The following SGSM2 variants were observed in gnomAD, a reference collection of about 807,000 sequenced individuals.
The protein encoded by SGSM2 is small G protein signaling modulator 2.
SGSM2 carries 89 observed loss-of-function variants against 126.6 expected under a neutral mutation model. The observed-to-expected ratio is 0.70, with a 90% CI of 0.59 to 0.84. SGSM2 has a LOEUF of 0.84. Ranked by LOEUF, SGSM2 falls within the 40% of genes least tolerant of loss-of-function variation. The pLI is 0.00. For missense variants in SGSM2, 1,404 were observed against 1,416.6 expected (o/e 0.99, Z 0.14); for synonymous variants, 614 against 574.3 (o/e 1.07, Z -0.99).
intron 2 of SGSM2, among the ~76,000 whole-genome samples, chr17:2,358,032 C>T (rs2065152171): frequency 6.6e-6 from 1 of 152,336 alleles, no homozygotes; most frequent in South Asian, 2.1e-4. Flanking sequence ...CCAGACAGCT[C>T]AGTCAGCAGG....
intron 2 of SGSM2, among the ~76,000 whole-genome samples, chr17:2,352,599 G>A (rs896997075): frequency 2.0e-5 from 3 of 152,040 alleles, no homozygotes; most frequent in African/African-American, 4.8e-5. Flanking sequence ...AGGCCACTGA[G>A]TGGTTCCCAC....
At chr17:2,370,944 C>T (rs2065839043) in intron 12 of SGSM2, among the ~76,000 whole-genome samples, 1 of 152,204 alleles carries the variant, frequency 6.6e-6, no homozygotes, top group South Asian at 2.1e-4. Flanking sequence ...CTTTCCCTTC[C>T]CTCTAGAAAA....
chr17:2,364,814 C>T, intron 9 of SGSM2, 83 bp from the exon 10 acceptor site: 1 of 1,579,890 alleles, frequency 6.3e-7, no homozygotes, highest in Non-Finnish European at 8.6e-7. Flanking sequence ...CCATCTGCCT[C>T]CTACCCAGCC....
chr17:2,364,221 G>A (rs2065454112), intron 8 of SGSM2, 38 bp downstream of exon 8: 1 of 1,612,212 alleles, frequency 6.2e-7, no homozygotes, highest in Non-Finnish European at 8.5e-7. Context: ...AGCCAGGGCA[G>A]GGAGTGGGTT....
At position 2,373,037 on chromosome 17, in the gene SGSM2, C is replaced by T; in HGVS notation, c.1873C>T (p.Leu625Phe). 7 of 1,608,048 alleles carry T rather than the reference C, an allele frequency of 4.4e-6. No homozygotes were observed. Among genetic ancestry groups the T allele is most frequent in the Non-Finnish European group, 5.1e-6 (6 of 1,177,694 alleles). ...EIRKDVWPFL[L>F]GHYKFGMSKK... ...CCGCAAGGACGTCTGGCCCTTTCTG[C>T]TTGGCCACTACAAGTTCGGCATGAG... Residue 625 changes from leucine (L) to phenylalanine (F), a missense_variant, in exon 16 of 24, where the codon CTT becomes TTT. By Grantham distance (22) the Leu-to-Phe change is conservative (BLOSUM62 0). Coordinates refer to ENST00000268989, the MANE Select transcript of SGSM2 (RefSeq NM_014853.3).
chr17:2,379,843 C>A lies in SGSM2; in HGVS notation c.*323C>A, dbSNP rs948515868. 2 of 1,308,826 alleles carry A rather than the reference C, an allele frequency of 1.5e-6. No homozygotes were observed. The highest frequency in any genetic ancestry group is 2.9e-5 in the African/African-American group (2 of 67,924). The allele number at this position is 1,308,826 out of a possible 1,614,324, so 81.1% of individuals were successfully genotyped here. On this transcript the variant is annotated 3_prime_UTR_variant, in exon 24 of 24. Transcript: ENST00000268989. The stretch of plus-strand genomic sequence containing the variant: ...CAGCCGCAGCCTGGACTGCTGCCCA[C>A]GAGTGAACCTGGGGCCCCACAGGAT...
At chr17:2,345,291 G>A (rs1404052033) in intron 2 of SGSM2, among the ~76,000 whole-genome samples, 2 of 151,930 alleles carry the variant, frequency 1.3e-5, no homozygotes, top group Admixed American at 6.6e-5. Context: ...GTGAAACCCC[G>A]TCTCTACTAA....
Position 2,375,808 on chromosome 17 carries a change from A to G in SGSM2, c.2417A>G (p.Glu806Gly). ...TLREPQDPSQ[E>G]KPQAGELEAG... ...AGGGAGCCCCAGGATCCCAGCCAGG[A>G]GAAGCCTCAGGCCGGAGAACTGGAG... Residue 806 changes from glutamate (E) to glycine (G), a missense_variant, in exon 18 of 24, where the codon GAG (glutamate) becomes GGG (glycine). Physicochemically the swap from Glu to Gly is moderately conservative, Grantham distance 98. Coordinates refer to ENST00000268989, the MANE Select transcript of SGSM2 (RefSeq NM_014853.3). The G allele has an allele frequency of 6.4e-7, 1 of 1,563,838 alleles. No individual in the cohort carries two copies. Among genetic ancestry groups the G allele is most frequent in the Non-Finnish European group, 8.7e-7 (1 of 1,155,914 alleles).
Position 2,365,302 on chromosome 17 carries a change from G to C in SGSM2, c.1249G>C (p.Val417Leu). ...GGGCACGGGGCGGGCCACCGACTAT[G>C]TGTTCCGGATCATCTACCCCGGCCA... Reference protein sequence around the residue: ...EMGTGRATDYVFRIIYPGHRH... With the variant: ...EMGTGRATDYLFRIIYPGHRH... Residue 417 changes from valine to leucine, a missense_variant, in exon 11 of 24, where the codon GTG (valine) becomes CTG (leucine). Val to Leu is a conservative substitution (Grantham distance 32). Coordinates refer to ENST00000268989, the MANE Select transcript of SGSM2 (RefSeq NM_014853.3). 6.3e-7 allele frequency: 1 copy of C among 1,585,268 alleles called. No homozygotes were observed. The highest frequency in any genetic ancestry group is 8.6e-7 in the Non-Finnish European group (1 of 1,165,740).
rs148031213 is a variant in SGSM2, at chr17:2,338,774, A to AATATATATATATATATATATAT, written c.57+1044_57+1045insTATATATATATATATATATATA. Among the ~76,000 whole-genome samples, 131 of 133,926 alleles carry AATATATATATATATATATATAT rather than the reference A, an allele frequency of 9.8e-4. 6 individuals are homozygous for AATATATATATATATATATATAT. Among genetic ancestry groups the AATATATATATATATATATATAT allele is most frequent in the East Asian group, 8.9e-3 (24 of 2,700 alleles). The allele number at this position is 133,926 out of a possible 152,430, so 87.9% of individuals were successfully genotyped here. A position where few individuals can be genotyped will look rare whatever the true frequency, so the allele number is the denominator to read the frequency against. Reference sequence around the variant, plus strand: ...CCTTGAGTCTCTATGCCGTCTCCCTAATATATATATATATAACCTCACGCC... The same window carrying AATATATATATATATATATATAT: ...CCTTGAGTCTCTATGCCGTCTCCCTAATATATATATATATATATATATATATATATATATATAACCTCACGCC... On this transcript the variant is annotated intron_variant, in intron 1 of 23. Coordinates refer to ENST00000268989, the MANE Select transcript of SGSM2 (RefSeq NM_014853.3).
chr17:2,371,874 G>A (rs57539996), intron 13 of SGSM2: 26,719 of 434,578 alleles, frequency 0.061, 1,537 homozygotes, highest in African/African-American at 0.18. Context: ...CCTTTACTTC[G>A]TCTTCCGTTT....
rs757126075 is a variant in SGSM2 at position 2,377,914 on chromosome 17, T to C, written c.2860T>C (p.Tyr954His). Residue 954 changes from tyrosine to histidine, a missense_variant, in exon 22 of 24, where the codon TAC (tyrosine) becomes CAC (histidine). Coordinates refer to ENST00000268989, the MANE Select transcript of SGSM2 (RefSeq NM_014853.3). ...TCAGAATGGAGACTACACCCACTTC[T>C]ACTTCTGTTATCGCTGGTTCCTGCT... ...MHQNGDYTHF[Y>H]FCYRWFLLDF... The C allele has an allele frequency of 2.5e-6, 4 of 1,613,176 alleles. No homozygotes were observed. The African/African-American group carries it at 4.0e-5, about 16-fold the overall frequency.
chr17:2,373,429 C>T lies in SGSM2; in HGVS notation c.2016C>T (p.Ala672=), dbSNP rs1448089313. ...AGCGGGAGCGGGAGGCCCACCCAGCCACACGCACCAAGTTCTCCTCAGGCA... is the reference window on the plus strand; with the variant it reads ...AGCGGGAGCGGGAGGCCCACCCAGCTACACGCACCAAGTTCTCCTCAGGCA... ...VRQREREAHP[A]TRTKFSSGSS... Residue 672 remains alanine (A), a synonymous_variant, in exon 17 of 24, where the codon GCC becomes GCT. Transcript: ENST00000268989. 4.3e-6 allele frequency: 7 copies of T among 1,611,438 alleles called. No homozygotes were observed. The highest frequency in any genetic ancestry group is 1.3e-5 in the African/African-American group (1 of 74,862).
At chr17:2,360,401 T>G (rs2065261296) in intron 2 of SGSM2, among the ~76,000 whole-genome samples, 1 of 152,150 alleles carries the variant, frequency 6.6e-6, no homozygotes, top group South Asian at 2.1e-4. Flanking sequence ...CTCCACCCAC[T>G]TCTGGGGCAG....
Position 2,375,789 on chromosome 17 carries a change from C to G in SGSM2, c.2398C>G (p.Pro800Ala), listed in dbSNP as rs541586113. 6.3e-7 allele frequency: 1 copy of G among 1,575,854 alleles called. No homozygotes were observed. The highest frequency in any genetic ancestry group is 1.4e-5 in the African/African-American group (1 of 73,894). Residue 800 changes from proline (P) to alanine (A), a missense_variant, in exon 18 of 24, where the codon CCC becomes GCC. Physicochemically the swap from Pro to Ala is conservative, Grantham distance 27. Coordinates refer to ENST00000268989, the MANE Select transcript of SGSM2 (RefSeq NM_014853.3). ...PGPAAHTLREPQDPSQEKPQA... is the reference protein window; with the variant it reads ...PGPAAHTLREAQDPSQEKPQA... ...CCCTGCAGCTCACACTTTGAGGGAGCCCCAGGATCCCAGCCAGGAGAAGCC... is the reference window on the plus strand; with the variant it reads ...CCCTGCAGCTCACACTTTGAGGGAGGCCCAGGATCCCAGCCAGGAGAAGCC...
At chr17:2,364,510 C>G in intron 8 of SGSM2, 86 bp from the exon 9 acceptor site, 1 of 1,443,850 alleles carries the variant, frequency 6.9e-7, no homozygotes, top group African/African-American at 1.4e-5. Flanking sequence ...AGGGGAGTTT[C>G]GTGGGGTGGT....
intron 12 of SGSM2, among the ~76,000 whole-genome samples, chr17:2,368,488 C>G (rs551633397): frequency 7.2e-5 from 11 of 152,348 alleles, no homozygotes; most frequent in African/African-American, 2.4e-4. Flanking sequence ...ATGTCACACT[C>G]CCCTTAGGCT....
chr17:2,374,704 C>T (rs1448376502), intron 17 of SGSM2: 1 of 152,278 alleles, frequency 6.6e-6, no homozygotes, highest in Non-Finnish European at 1.5e-5. Context: ...TTGTAAAAAT[C>T]TGTCTGTGCC....
Position 2,378,893 on chromosome 17 carries a change from G to T in SGSM2, c.2900-143G>T. 5.1e-6 allele frequency: 5 copies of T among 973,152 alleles called. No homozygotes were observed. In the East Asian group the frequency reaches 1.1e-4, roughly 20 times the overall value. 60.3% of individuals were successfully genotyped at this position (973,152 alleles called of 1,614,324 possible). A position where few individuals can be genotyped will look rare whatever the true frequency, so the allele number is the denominator to read the frequency against. On this transcript the variant is annotated intron_variant, in intron 22 of 23. Transcript: ENST00000268989. ...GGCTCCATTTAGAGGCCTGTGAGCA[G>T]CCAGTCCGGCCAGCATCAGCCCCAG...
Sources: gnomAD v4.1 joint callset for allele counts (sites outside exome capture counted in the v4.1 genomes callset) on GRCh38, gnomAD v4.1.1 for gene constraint, MANE v1.5 for transcripts, NCBI Gene and HGNC (gene_info 2026-07-23, HGNC 2026-07-21) for gene names.